The following LANCL3 variants were observed in gnomAD, a reference collection of about 807,000 sequenced individuals.
LANCL3 encodes the protein LanC like family member 3.
Under a neutral mutation model 26.5 loss-of-function variants are expected in LANCL3, and 19 were observed. The ratio of observed to expected loss-of-function variants is 0.72; its 90% CI spans 0.50 to 1.05. The LOEUF (loss-of-function observed/expected upper bound fraction) is 1.05, where lower values mean the gene tolerates loss of function less well. LANCL3 is among the 50% of genes least tolerant of loss of function. The pLI is 0.00. For synonymous variants in LANCL3, 160 were observed against 166.6 expected, an observed-to-expected ratio of 0.96 and a Z score of 0.30; for missense variants, 318 against 362.7, an observed-to-expected ratio of 0.88 and a Z score of 1.00.
intron 4 of LANCL3, chrX:37,668,378 G>A (rs782228972): frequency 2.5e-6 from 1 of 398,621 alleles, no homozygotes; most frequent in Admixed American, 3.6e-5. Flanking sequence ...TTCATTCCCT[G>A]TAAACTTGAT....
At chrX:37,572,956 G>A (rs1432211583) in intron 1 of LANCL3, among the ~76,000 whole-genome samples, 22 of 112,135 alleles carry the variant, frequency 2.0e-4, no homozygotes, top group African/African-American at 7.1e-4. Flanking sequence ...TTACTATTCA[G>A]TTCAACCCAT....
chrX:37,670,787 G>C (rs1490367097), intron 4 of LANCL3, among the ~76,000 whole-genome samples: 4 of 111,379 alleles, frequency 3.6e-5, no homozygotes, highest in African/African-American at 1.3e-4. Context: ...AGCATCTTTA[G>C]AATATTGAAT....
intron 1 of LANCL3, among the ~76,000 whole-genome samples, chrX:37,586,787 T>A (rs781860766): frequency 8.9e-6 from 1 of 112,321 alleles, no homozygotes; most frequent in Admixed American, 9.4e-5. Flanking sequence ...GAAGCCTTCT[T>A]CTCTCAACTC....
chrX:37,672,926 C>A (rs1402333952), intron 4 of LANCL3, among the ~76,000 whole-genome samples: 1 of 111,906 alleles, frequency 8.9e-6, no homozygotes, highest in South Asian at 3.7e-4. Context: ...AAAATATGTA[C>A]CTCCCTAAAA....
intron 1 of LANCL3, among the ~76,000 whole-genome samples, chrX:37,653,919 GA>G (rs377141077): frequency 5.3e-4 from 52 of 98,275 alleles, no homozygotes; most frequent in East Asian, 2.5e-3. Flanking sequence ...TCAGCAAATA[GA>G]AAAAAAAAAA....
rs781831455 is a variant in LANCL3 at position 37,673,010 on chromosome X, C to A, written c.1104-2644C>A. Among the ~76,000 whole-genome samples, 3 of 112,339 alleles carry A rather than the reference C, an allele frequency of 2.7e-5. No individual in the cohort carries two copies. The Admixed American group carries it at 2.8e-4, about 11-fold the overall frequency. On this transcript the variant is annotated intron_variant, in intron 4 of 4. Transcript: ENST00000378619. ...TTTATGGCTGCATAAAAATATTTGA[C>A]AACTTCTTAATTTTCTTTTATGTTT...
chrX:37,613,813 T>A (rs181890895), intron 1 of LANCL3, among the ~76,000 whole-genome samples: 123 of 112,365 alleles, frequency 1.1e-3, no homozygotes, highest in African/African-American at 3.8e-3. Flanking sequence ...TTTTAGAAAA[T>A]GAGCTTTGAG....
chrX:37,645,123 T>C (rs1480549337), intron 1 of LANCL3, among the ~76,000 whole-genome samples: 1 of 112,620 alleles, frequency 8.9e-6, no homozygotes, highest in Non-Finnish European at 1.9e-5. Context: ...TACCAGCTAC[T>C]TCTGATAAAT....
At chrX:37,650,081 C>T (rs1481703637) in intron 1 of LANCL3, among the ~76,000 whole-genome samples, 1 of 109,622 alleles carries the variant, frequency 9.1e-6, no homozygotes, top group African/African-American at 3.3e-5. Context: ...GTGGGCAGAT[C>T]GCCCGAGGTC....
intron 1 of LANCL3, among the ~76,000 whole-genome samples, chrX:37,643,654 A>G (rs1312065624): frequency 8.9e-6 from 1 of 112,370 alleles, no homozygotes; most frequent in Non-Finnish European, 1.9e-5. Flanking sequence ...ACAGACATGA[A>G]GGGTCATACA....
chrX:37,654,190 A>T (rs1926228047), intron 1 of LANCL3, among the ~76,000 whole-genome samples: 1 of 112,778 alleles, frequency 8.9e-6, no homozygotes. Flanking sequence ...AATGAATGGT[A>T]TCCTCATGAA....
chrX:37,592,314 T>A (rs1924308880), intron 1 of LANCL3, among the ~76,000 whole-genome samples: 1 of 112,669 alleles, frequency 8.9e-6, no homozygotes, highest in Non-Finnish European at 1.9e-5. Flanking sequence ...GCCCGCCAAC[T>A]GGCTAGCCCT....
intron 1 of LANCL3, among the ~76,000 whole-genome samples, chrX:37,606,913 A>G (rs1392984274): frequency 4.4e-5 from 5 of 112,590 alleles, no homozygotes; most frequent in African/African-American, 9.7e-5. Context: ...TAGATGCAAC[A>G]TGTTCAGAAT....
intron 1 of LANCL3, among the ~76,000 whole-genome samples, chrX:37,644,174 A>G (rs1006481912): frequency 7.2e-5 from 8 of 111,253 alleles, no homozygotes; most frequent in Non-Finnish European, 1.3e-4. Flanking sequence ...GATGTCACCT[A>G]GTACAGTGCT....
intron 1 of LANCL3, among the ~76,000 whole-genome samples, chrX:37,643,222 C>T (rs1925911331): frequency 8.9e-6 from 1 of 111,938 alleles, no homozygotes; most frequent in East Asian, 2.8e-4. Flanking sequence ...AGAAAATAGA[C>T]ATATTGATAA....
chrX:37,619,969 C>T (rs2146743720), intron 1 of LANCL3, among the ~76,000 whole-genome samples: 1 of 112,331 alleles, frequency 8.9e-6, no homozygotes, highest in South Asian at 3.7e-4. Flanking sequence ...TGTGGATGCC[C>T]CATCCTCATA....
intron 1 of LANCL3, among the ~76,000 whole-genome samples, chrX:37,596,552 G>A (rs186689871): frequency 1.2e-3 from 137 of 112,177 alleles, no homozygotes; most frequent in African/African-American, 4.3e-3. Context: ...TACTTTCTCA[G>A]AATTCTGAAG....
At chrX:37,630,127 G>C (rs1405715678) in intron 1 of LANCL3, among the ~76,000 whole-genome samples, 1 of 110,604 alleles carries the variant, frequency 9.0e-6, no homozygotes, top group Non-Finnish European at 1.9e-5. Context: ...TTATTTCATT[G>C]AGCAGTGGTT....
intron 1 of LANCL3, among the ~76,000 whole-genome samples, chrX:37,617,287 G>C (rs2146741266): frequency 9.0e-6 from 1 of 111,142 alleles, no homozygotes; most frequent in East Asian, 2.8e-4. Flanking sequence ...AAAGAAGAAG[G>C]GTTTTTGTTT....
Sources: allele counts gnomAD v4.1 joint callset (sites outside exome capture counted in the v4.1 genomes callset), GRCh38; gene constraint gnomAD v4.1.1; transcripts MANE v1.5; gene names NCBI Gene and HGNC (gene_info 2026-07-23, HGNC 2026-07-21).